Variants in GRIN2C observed in about 807,000 individuals in gnomAD.
The protein encoded by GRIN2C is glutamate receptor ionotropic, NMDA 2C.
A neutral mutation model predicts 77.7 loss-of-function variants in GRIN2C; 64 were observed. The ratio of observed to expected loss-of-function variants is 0.82; its 90% CI spans 0.67 to 1.01. GRIN2C has a LOEUF of 1.01. Ranked by LOEUF, GRIN2C falls within the 50% of genes least tolerant of loss-of-function variation. The pLI, the probability that GRIN2C is intolerant of heterozygous loss-of-function variation, is 0.00. For missense variants in GRIN2C, 1,549 were observed against 1,486.0 expected, an observed-to-expected ratio of 1.04 and a Z score of -0.70; for synonymous variants, 792 against 643.4, an observed-to-expected ratio of 1.23 and a Z score of -3.49.
rs2037603041 is a variant in GRIN2C, at chr17:74,850,451, G to C, written c.1326-80C>G. On this transcript the variant is annotated intron_variant, in intron 5 of 12. Coordinates refer to ENST00000293190, the MANE Select transcript of GRIN2C (RefSeq NM_000835.6). This position sits in a 1 kb window ranked among gnomAD's most constrained non-coding sequence, Gnocchi z 5.3. ...CCCGCCCCAGCCACTCCTCCAGCCT[G>C]GCACGTGGACCCCTGCCCCACACCC... 6 of 1,570,452 alleles carry C rather than the reference G, an allele frequency of 3.8e-6. No individual in the cohort carries two copies. The highest frequency in any genetic ancestry group is 5.2e-6 in the Non-Finnish European group (6 of 1,148,888).
In GRIN2C at chr17:74,852,145, A is replaced by G; in HGVS notation, c.866T>C (p.Val289Ala). ...GGCCAGAATGGCCACGCCGTCGCGCACCTTCTGGCGCAGGCTGAGGCGCCA... is the reference window on the plus strand; with the variant it reads ...GGCCAGAATGGCCACGCCGTCGCGCGCCTTCTGGCGCAGGCTGAGGCGCCA... ...ESWRLSLRQKVRDGVAILALG... is the reference protein window; with the variant it reads ...ESWRLSLRQKARDGVAILALG... Residue 289 changes from valine (V) to alanine (A), a missense_variant, in exon 3 of 13, where the codon GTG becomes GCG. By Grantham distance (64) the Val-to-Ala change is moderately conservative. Transcript: ENST00000293190. The G allele has an allele frequency of 6.9e-7, 1 of 1,447,794 alleles. No individual in the cohort carries two copies. The highest frequency in any genetic ancestry group is 1.9e-4 in the Middle Eastern group (1 of 5,240). 89.7% of individuals were successfully genotyped at this position (1,447,794 alleles called of 1,614,324 possible).
chr17:74,857,737 G>A lies in GRIN2C; in HGVS notation c.-16+2007C>T, dbSNP rs528092035. Reference sequence around the variant, plus strand: ...TCTAGATCTGTGCTGCCCAGTATAGGAGCCGCCAGTCATACACGACTATTG... The same window carrying A: ...TCTAGATCTGTGCTGCCCAGTATAGAAGCCGCCAGTCATACACGACTATTG... On this transcript the variant is annotated intron_variant, in intron 1 of 12. Coordinates refer to ENST00000293190, the MANE Select transcript of GRIN2C (RefSeq NM_000835.6). Among the ~76,000 whole-genome samples the A allele has an allele frequency of 3.3e-5, 5 of 152,246 alleles. No individual in the cohort carries two copies. The South Asian group carries it at 6.2e-4, about 19-fold the overall frequency.
chr17:74,855,926 C>T (rs752849739), intron 1 of GRIN2C, among the ~76,000 whole-genome samples: 29 of 152,270 alleles, frequency 1.9e-4, no homozygotes, highest in Non-Finnish European at 4.1e-4. Flanking sequence ...CAGGGTGCAA[C>T]AGCACTGACT....
intron 2 of GRIN2C, chr17:74,853,265 T>C (rs369286071): frequency 1.1e-3 from 165 of 152,166 alleles, no homozygotes; most frequent in Middle Eastern, 6.8e-3. Flanking sequence ...TCCCAATCTT[T>C]TAAAAAAGCA....
In GRIN2C at chr17:74,843,258, C is replaced by T; in HGVS notation, c.2879G>A (p.Trp960Ter). ...DPPPEPSPTGWGPPDGGRAAL... is the reference protein window; with the variant it reads ...DPPPEPSPTG ...CGCGCGACCCCCGTCTGGCGGTCCCCAGCCCGTGGGGCTCGGCTCTGGGGG... is the reference window on the plus strand; with the variant it reads ...CGCGCGACCCCCGTCTGGCGGTCCCTAGCCCGTGGGGCTCGGCTCTGGGGG... Residue 960 changes from tryptophan (W) to a stop codon, truncating the protein, a stop_gained, in exon 13 of 13, where the codon TGG (tryptophan) becomes TAG (stop). Coordinates refer to ENST00000293190, the MANE Select transcript of GRIN2C (RefSeq NM_000835.6). LOFTEE classifies it low-confidence loss of function (END_TRUNC). 1 of 840,312 alleles carries T rather than the reference C, an allele frequency of 1.2e-6. No homozygotes were observed. Among genetic ancestry groups the T allele is most frequent in the Non-Finnish European group, 1.7e-6 (1 of 592,024 alleles). 52.1% of individuals were successfully genotyped at this position (840,312 alleles called of 1,614,324 possible). A position where few individuals can be genotyped will look rare whatever the true frequency, so the allele number is the denominator to read the frequency against.
intron 7 of GRIN2C, 130 bp from the exon 8 acceptor site, chr17:74,848,107 G>C: frequency 1.0e-6 from 1 of 952,662 alleles, no homozygotes; most frequent in Non-Finnish European, 1.6e-6. Context: ...CCCAGCCAAG[G>C]GGGCCTCTGA....
chr17:74,855,018 C>A lies in GRIN2C; in HGVS notation c.75G>T (p.Gln25His). The A allele has an allele frequency of 2.5e-6, 4 of 1,603,078 alleles. No individual in the cohort carries two copies. Among genetic ancestry groups the A allele is most frequent in the East Asian group, 2.2e-5 (1 of 44,860 alleles). The change falls in exon 2 of 13, where the codon CAG becomes CAT. Residue 25 changes from glutamine (Q) to histidine (H), a missense_variant. Physicochemically the swap from Gln to His is conservative, Grantham distance 24. This residue lies in a region of GRIN2C where 382 missense variants were observed against 360.0 expected (regional missense o/e 1.06). Transcript: ENST00000293190. ...FGAWAGLGPG[Q>H]GEQGMTVAVV... ...CGGCCACCGTCATGCCCTGCTCGCC[C>A]TGCCCCGGACCCAGCCCTGCCCAGG...
Position 74,852,131 on chromosome 17 carries a change from C to A in GRIN2C, c.880G>T (p.Ala294Ser). The change falls in exon 3 of 13, where the codon GCC becomes TCC. Residue 294 changes from alanine (A) to serine (S), a missense_variant. Ala to Ser is a moderately conservative substitution (Grantham distance 99). Transcript: ENST00000293190. The stretch of plus-strand genomic sequence containing the variant: ...CTGTGGGCGCCCAGGGCCAGAATGG[C>A]CACGCCGTCGCGCACCTTCTGGCGC... ...SLRQKVRDGV[A>S]ILALGAHSYW... 1 of 1,457,518 alleles carries A rather than the reference C, an allele frequency of 6.9e-7. No individual in the cohort carries two copies. The highest frequency in any genetic ancestry group is 1.4e-5 in the South Asian group (1 of 73,262). 90.3% of individuals were successfully genotyped at this position (1,457,518 alleles called of 1,614,324 possible).
Position 74,859,566 on chromosome 17 carries a change from C to A in GRIN2C, c.-16+178G>T, listed in dbSNP as rs1282463839. Among the ~76,000 whole-genome samples, 1 of 151,986 alleles carries A rather than the reference C, an allele frequency of 6.6e-6. No homozygotes were observed. The highest frequency in any genetic ancestry group is 2.4e-5 in the African/African-American group (1 of 41,380). On this transcript the variant is annotated intron_variant, in intron 1 of 12. Coordinates refer to ENST00000293190, the MANE Select transcript of GRIN2C (RefSeq NM_000835.6). The surrounding 1 kb of genome is among the most constrained non-coding windows in gnomAD (Gnocchi z 5.9). ...CGGGTTTCCCTCCCTCCCTTTTGCC[C>A]AGCCAAAACCCGAACCCAGGCGCCA...
In GRIN2C at chr17:74,850,402, A is replaced by G; in HGVS notation, c.1326-31T>C. ...GCCATGCCGCCATGAGACCACCGGG[A>G]GTCAGAGTATGTCGTGGCCCAGCCC... On this transcript the variant is annotated intron_variant, in intron 5 of 12. Transcript: ENST00000293190. The surrounding 1 kb of genome is among the most constrained non-coding windows in gnomAD (Gnocchi z 5.3). The G allele has an allele frequency of 6.2e-7, 1 of 1,603,722 alleles. No homozygotes were observed. The highest frequency in any genetic ancestry group is 8.5e-7 in the Non-Finnish European group (1 of 1,178,852).
In GRIN2C at chr17:74,842,652, C is replaced by G. The variant is rs1326524252; in HGVS notation, c.3485G>C (p.Gly1162Ala). The part of the protein sequence containing the change: ...HAHAHLPFCW[G>A]AVCPHLPPCA... ...GGGTGGAAGGTGAGGACAGACAGCC[C>G]CCCAGCAAAATGGCAGGTGGGCGTG... is the stretch of plus-strand genomic sequence containing the variant. The change falls in exon 13 of 13, where the codon GGG (glycine) becomes GCG (alanine). Residue 1162 changes from glycine to alanine, a missense_variant. Physicochemically the swap from Gly to Ala is moderately conservative, Grantham distance 60. This residue lies in a region of GRIN2C where 450 missense variants were observed against 267.9 expected (regional missense o/e 1.68). Coordinates refer to ENST00000293190, the MANE Select transcript of GRIN2C (RefSeq NM_000835.6). The G allele has an allele frequency of 1.3e-6, 1 of 749,300 alleles. No homozygotes were observed. The highest frequency in any genetic ancestry group is 2.5e-6 in the Non-Finnish European group (1 of 402,716). The allele number at this position is 749,300 out of a possible 1,614,324, so 46.4% of individuals were successfully genotyped here. A position where few individuals can be genotyped will look rare whatever the true frequency, so the allele number is the denominator to read the frequency against.
rs763008678 is a variant in GRIN2C at position 74,843,579 on chromosome 17, G to C, written c.2584-26C>G. 203 of 1,529,430 alleles carry C rather than the reference G, an allele frequency of 1.3e-4. 3 individuals carry two copies. In the South Asian group the frequency reaches 2.3e-3, roughly 18 times the overall value. 94.7% of individuals were successfully genotyped at this position (1,529,430 alleles called of 1,614,324 possible). ...CTGGGCAGTAGGGAGACGACAGGCC[G>C]TAAGCAGCGCCCTCCGCTCAGGGAC... is the stretch of plus-strand genomic sequence containing the variant. On this transcript the variant is annotated intron_variant, in intron 12 of 12. Transcript: ENST00000293190.
In GRIN2C at chr17:74,847,529, C is replaced by T. The variant is rs1312184154; in HGVS notation, c.1780G>A (p.Gly594Ser). ...GACTTGCCGATAGTGAAAGCTGGGCCCCCGGACTCTGGGGGCAAGAGGCGG... is the reference window on the plus strand; with the variant it reads ...GACTTGCCGATAGTGAAAGCTGGGCTCCCGGACTCTGGGGGCAAGAGGCGG... Reference protein sequence around the residue: ...QNLTRGKKSGGPAFTIGKSVW... With the variant: ...QNLTRGKKSGSPAFTIGKSVW... Residue 594 changes from glycine to serine, a missense_variant, in exon 9 of 13, where the codon GGC becomes AGC. Physicochemically the swap from Gly to Ser is moderately conservative, Grantham distance 56. Transcript: ENST00000293190. This position sits in a 1 kb window ranked among gnomAD's most constrained non-coding sequence, Gnocchi z 5.2. The T allele has an allele frequency of 1.2e-6, 2 of 1,612,044 alleles. No homozygotes were observed. The highest frequency in any genetic ancestry group is 2.2e-5 in the East Asian group (1 of 44,850).
chr17:74,858,863 C>A (rs1463418982), intron 1 of GRIN2C, among the ~76,000 whole-genome samples: 2 of 152,074 alleles, frequency 1.3e-5, no homozygotes, highest in Non-Finnish European at 2.9e-5. Context: ...CCAGCATCCC[C>A]CAGGCTGGAA....
rs766903972 is a variant in GRIN2C, at chr17:74,847,525, G to A, written c.1784C>T (p.Pro595Leu). 1.9e-6 allele frequency: 3 copies of A among 1,612,770 alleles called. No individual in the cohort carries two copies. Among genetic ancestry groups the A allele is most frequent in the Non-Finnish European group, 2.5e-6 (3 of 1,179,278 alleles). ...CACGGACTTGCCGATAGTGAAAGCT[G>A]GGCCCCCGGACTCTGGGGGCAAGAG... ...NLTRGKKSGG[P>L]AFTIGKSVWL... The change falls in exon 9 of 13, where the codon CCA (proline) becomes CTA (leucine). Residue 595 changes from proline (P) to leucine (L), a missense_variant. By Grantham distance (98) the Pro-to-Leu change is moderately conservative. This residue lies in a region of GRIN2C where 717 missense variants were observed against 858.1 expected (regional missense o/e 0.84). Coordinates refer to ENST00000293190, the MANE Select transcript of GRIN2C (RefSeq NM_000835.6). This position sits in a 1 kb window ranked among gnomAD's most constrained non-coding sequence, Gnocchi z 5.2.
intron 3 of GRIN2C, 38 bp from the exon 4 acceptor site, chr17:74,851,729 A>T: frequency 7.7e-7 from 1 of 1,294,436 alleles, no homozygotes; most frequent in Non-Finnish European, 1.1e-6. Context: ...CCTGCCAAGG[A>T]CCAGGCACCC....
chr17:74,852,068 C>A lies in GRIN2C; in HGVS notation c.943G>T (p.Gly315Trp). 1 of 1,456,368 alleles carries A rather than the reference C, an allele frequency of 6.9e-7. No individual in the cohort carries two copies. The highest frequency in any genetic ancestry group is 2.6e-5 in the East Asian group (1 of 38,430). 90.2% of individuals were successfully genotyped at this position (1,456,368 alleles called of 1,614,324 possible). A position where few individuals can be genotyped will look rare whatever the true frequency, so the allele number is the denominator to read the frequency against. Residue 315 changes from glycine to tryptophan, a missense_variant, in exon 3 of 13, where the codon GGG becomes TGG. By Grantham distance (184) the Gly-to-Trp change is radical. This residue lies in a region of GRIN2C where 717 missense variants were observed against 858.1 expected (regional missense o/e 0.84). Transcript: ENST00000293190. The part of the protein sequence containing the change: ...RQHGTLPAPA[G>W]DCRVHPGPVS... ...GGCCCAGGGTGAACACGGCAGTCCC[C>A]GGCCGGGGCTGGCAGGGTTCCATGC...
In GRIN2C at chr17:74,843,555, T is replaced by C; in HGVS notation, c.2584-2A>G. On this transcript the variant is annotated splice_acceptor_variant, in intron 12 of 12. Transcript: ENST00000293190. LOFTEE classifies it high-confidence loss of function. ...CCCGCTGAAGCAGCTGTAGATGCCC[T>C]GGGCAGTAGGGAGACGACAGGCCGT... 6.5e-7 allele frequency: 1 copy of C among 1,532,228 alleles called. No homozygotes were observed. 94.9% of individuals were successfully genotyped at this position (1,532,228 alleles called of 1,614,324 possible). A position where few individuals can be genotyped will look rare whatever the true frequency, so the allele number is the denominator to read the frequency against.
rs760630748 is a variant in GRIN2C, at chr17:74,854,968, G to T, written c.125C>A (p.Pro42His). ...VAVVFSSSGPPQAQFRARLTP... is the reference protein window; with the variant it reads ...VAVVFSSSGPHQAQFRARLTP... ...GAGGCGGGCACGGAACTGGGCCTGG[G>T]GCGGCCCTGAGCTGCTAAACACCAC... Residue 42 changes from proline (P) to histidine (H), a missense_variant, in exon 2 of 13, where the codon CCC becomes CAC. Pro to His is a moderately conservative substitution (Grantham distance 77). This residue lies in a region of GRIN2C where 382 missense variants were observed against 360.0 expected (regional missense o/e 1.06). Transcript: ENST00000293190. 17 of 1,611,434 alleles carry T rather than the reference G, an allele frequency of 1.1e-5. No individual in the cohort carries two copies. Among genetic ancestry groups the T allele is most frequent in the Non-Finnish European group, 1.1e-5 (13 of 1,179,954 alleles).
Sources: allele counts gnomAD v4.1 joint callset (sites outside exome capture counted in the v4.1 genomes callset), GRCh38; gene constraint gnomAD v4.1.1; regional missense constraint gnomAD v4.1.1; non-coding constraint Gnocchi (gnomAD v3.1); transcripts MANE v1.5; gene names NCBI Gene and HGNC (gene_info 2026-07-23, HGNC 2026-07-21).